The following NRXN1 variants were observed in gnomAD, a reference collection of about 807,000 sequenced individuals.
The protein encoded by NRXN1 is neurexin-1.
A neutral mutation model predicts 150.9 loss-of-function variants in NRXN1; 39 were observed. The observed-to-expected ratio is 0.26, with a 90% CI of 0.20 to 0.34. The LOEUF (loss-of-function observed/expected upper bound fraction) is 0.34, where lower values mean the gene tolerates loss of function less well. Ranked by LOEUF, NRXN1 falls within the 10% of genes least tolerant of loss-of-function variation. The pLI, the probability that NRXN1 is intolerant of heterozygous loss-of-function variation, is 1.00. For missense variants in NRXN1, 1,815 were observed against 1,949.9 expected (o/e 0.93, Z 1.30); for synonymous variants, 924 against 757.0 (o/e 1.22, Z -3.62).
chr2:50,859,315 G>A (rs1675745842), intron 5 of NRXN1, among the ~76,000 whole-genome samples: 2 of 151,932 alleles, frequency 1.3e-5, no homozygotes, highest in Non-Finnish European at 2.9e-5. Flanking sequence ...CCTTGGCAGT[G>A]CTAGGGGGCA....
Position 50,116,053 on chromosome 2 carries a change from C to A in NRXN1, c.3547-24559G>T, listed in dbSNP as rs150613940. Among the ~76,000 whole-genome samples, 738 of 152,156 alleles carry A rather than the reference C, an allele frequency of 4.9e-3. 6 individuals are homozygous for A. Among genetic ancestry groups the A allele is most frequent in the African/African-American group, 0.017 (709 of 41,526 alleles). ...GACATAGATTGAAATTATCCTAAGGCTCGACCTCTTTTTTTAATTGTGACT... is the reference window on the plus strand; with the variant it reads ...GACATAGATTGAAATTATCCTAAGGATCGACCTCTTTTTTTAATTGTGACT... On this transcript the variant is annotated intron_variant, in intron 18 of 22. Transcript: ENST00000401669.
intron 18 of NRXN1, among the ~76,000 whole-genome samples, chr2:50,137,315 G>A (rs1706573370): frequency 6.6e-6 from 1 of 152,160 alleles, no homozygotes. Context: ...CATACTCTTA[G>A]TTGGTGAGCA....
intron 5 of NRXN1, among the ~76,000 whole-genome samples, chr2:50,802,901 C>T (rs895060155): frequency 6.6e-6 from 1 of 152,124 alleles, no homozygotes; most frequent in Non-Finnish European, 1.5e-5. Context: ...CCACCAGATA[C>T]TAGGAAGACA....
At chr2:50,355,291 CAT>C (rs3081361) in intron 17 of NRXN1, among the ~76,000 whole-genome samples, 2 of 146,930 alleles carry the variant, frequency 1.4e-5, no homozygotes, top group Admixed American at 6.9e-5. Flanking sequence ...TTTATATATA[CAT>C]ATATATATAT....
Position 50,654,267 on chromosome 2 carries a change from G to A in NRXN1, c.833-30652C>T, listed in dbSNP as rs576592231. On this transcript the variant is annotated intron_variant, in intron 5 of 22. Transcript: ENST00000401669. ...TTGTTCAATTCCCACCTATGAGTGA[G>A]AACATGTGGTGTTTGGTTTTTTTGT... 8.5e-5 allele frequency among the ~76,000 whole-genome samples: 10 copies of A among 117,868 alleles called. No homozygotes were observed. In the South Asian group the frequency reaches 2.6e-3, roughly 31 times the overall value. The allele number at this position is 117,868 out of a possible 152,430, so 77.3% of individuals were successfully genotyped here.
chr2:49,978,704 A>G (rs983944573), intron 21 of NRXN1, among the ~76,000 whole-genome samples: 1 of 126,076 alleles, frequency 7.9e-6, no homozygotes, highest in African/African-American at 2.9e-5. Flanking sequence ...TAAAAAGAAA[A>G]GAGAGGCCAC....
intron 17 of NRXN1, among the ~76,000 whole-genome samples, chr2:50,241,545 A>G (rs1449853724): frequency 6.6e-6 from 1 of 151,832 alleles, no homozygotes; most frequent in Non-Finnish European, 1.5e-5. Context: ...AGTGGTTTTC[A>G]GCAATCTCCA....
chr2:50,222,695 T>C (rs1366197339), intron 18 of NRXN1, among the ~76,000 whole-genome samples: 1 of 151,820 alleles, frequency 6.6e-6, no homozygotes, highest in Non-Finnish European at 1.5e-5. Flanking sequence ...AAATATGAGA[T>C]CATATGCTCT....
intron 5 of NRXN1, among the ~76,000 whole-genome samples, chr2:50,794,346 G>A (rs761334960): frequency 1.3e-5 from 2 of 152,060 alleles, no homozygotes; most frequent in African/African-American, 2.4e-5. Context: ...GTGAGGACAT[G>A]TTATGGCTGT....
At chr2:50,462,880 C>T (rs575877536) in intron 17 of NRXN1, among the ~76,000 whole-genome samples, 1 of 151,738 alleles carries the variant, frequency 6.6e-6, no homozygotes, top group Non-Finnish European at 1.5e-5. Flanking sequence ...CTCTATAAAC[C>T]TTATCAGCGA....
At chr2:50,754,158 A>C (rs1255314912) in intron 5 of NRXN1, among the ~76,000 whole-genome samples, 2 of 151,908 alleles carry the variant, frequency 1.3e-5, no homozygotes, top group Non-Finnish European at 2.9e-5. Context: ...CTTCATTTTA[A>C]AAGACAAAAG....
chr2:50,803,637 C>A (rs1707908682), intron 5 of NRXN1, among the ~76,000 whole-genome samples: 2 of 152,102 alleles, frequency 1.3e-5, no homozygotes, highest in African/African-American at 2.4e-5. Context: ...TTTTCAAAAG[C>A]ATATCCTTGC....
intron 17 of NRXN1, among the ~76,000 whole-genome samples, chr2:50,265,622 A>G (rs894079685): frequency 6.6e-6 from 1 of 152,214 alleles, no homozygotes; most frequent in Non-Finnish European, 1.5e-5. Flanking sequence ...ACAAAGAAGA[A>G]AAATACAGAA....
chr2:50,245,421 G>T (rs1177838557), intron 17 of NRXN1, among the ~76,000 whole-genome samples: 2 of 151,834 alleles, frequency 1.3e-5, no homozygotes, highest in East Asian at 3.9e-4. Flanking sequence ...CTGAAACTAG[G>T]CTCCCTCCAG....
At chr2:50,994,596 A>G (rs1380469867) in intron 2 of NRXN1, among the ~76,000 whole-genome samples, 1 of 152,002 alleles carries the variant, frequency 6.6e-6, no homozygotes, top group Admixed American at 6.6e-5. Context: ...CCTCTTCCAT[A>G]AGGAGAATTT....
chr2:49,979,595 G>A (rs1679621911), intron 21 of NRXN1, among the ~76,000 whole-genome samples: 1 of 152,086 alleles, frequency 6.6e-6, no homozygotes, highest in African/African-American at 2.4e-5. Flanking sequence ...ATGCATGGAT[G>A]ACTTTCAAAA....
chr2:50,047,823 A>T (rs3861560), intron 21 of NRXN1, among the ~76,000 whole-genome samples: 106,188 of 151,934 alleles, frequency 0.7, 38,243 homozygotes, highest in African/African-American at 0.88. Flanking sequence ...TCTAATTTTG[A>T]TCAATGCTGT....
intron 5 of NRXN1, among the ~76,000 whole-genome samples, chr2:50,654,876 A>G (rs1573983186): frequency 6.6e-6 from 1 of 152,174 alleles, no homozygotes; most frequent in East Asian, 1.9e-4. Flanking sequence ...AGTAGCCAAT[A>G]TAGTGATTCC....
At chr2:50,555,763 TAAAC>T (rs2105361071) in intron 8 of NRXN1, among the ~76,000 whole-genome samples, 1 of 152,200 alleles carries the variant, frequency 6.6e-6, no homozygotes, top group East Asian at 1.9e-4. Flanking sequence ...ACCAATCTCA[TAAAC>T]TAATTACTAT....
Sources: allele counts gnomAD v4.1 joint callset (sites outside exome capture counted in the v4.1 genomes callset), GRCh38; gene constraint gnomAD v4.1.1; transcripts MANE v1.5; gene names NCBI Gene and HGNC (gene_info 2026-07-23, HGNC 2026-07-21).